ZNF618: variants seen among roughly 807,000 people sequenced by gnomAD.
The protein encoded by ZNF618 is neural precursor cell expressed, developmentally down-regulated 10.
A neutral mutation model predicts 103.0 loss-of-function variants in ZNF618; 34 were observed. The ratio of observed to expected loss-of-function variants is 0.33; its 90% CI spans 0.25 to 0.44. ZNF618 has a LOEUF of 0.44. Ranked by LOEUF, ZNF618 falls within the 20% of genes least tolerant of loss-of-function variation. The probability of loss-of-function intolerance (pLI) is 1.00; values close to 1 mark genes in which losing one functional copy is unlikely to be tolerated. For missense variants in ZNF618, 1,059 were observed against 1,295.4 expected, an observed-to-expected ratio of 0.82 and a Z score of 2.80; for synonymous variants, 551 against 542.2, an observed-to-expected ratio of 1.02 and a Z score of -0.23.
intron 1 of ZNF618, among the ~76,000 whole-genome samples, chr9:113,944,616 A>G (rs1190089381): frequency 1.3e-5 from 2 of 152,200 alleles, no homozygotes; most frequent in Admixed American, 6.5e-5. Flanking sequence ...AGAGTTATCT[A>G]ATAGAAATGT....
At chr9:114,027,388 A>G (rs1421790513) in intron 10 of ZNF618, among the ~76,000 whole-genome samples, 77 of 152,294 alleles carry the variant, frequency 5.1e-4, no homozygotes, top group Non-Finnish European at 1.6e-4. Flanking sequence ...GGGCATGACT[A>G]AAGAACTCCC....
At chr9:114,012,654 G>A (rs1029363035) in intron 9 of ZNF618, among the ~76,000 whole-genome samples, 1 of 152,152 alleles carries the variant, frequency 6.6e-6, no homozygotes, top group Non-Finnish European at 1.5e-5. Context: ...AGCAGAAAAC[G>A]TAAGAACAGA....
chr9:113,891,215 C>A (rs979944888), intron 1 of ZNF618, among the ~76,000 whole-genome samples: 1 of 152,140 alleles, frequency 6.6e-6, no homozygotes, highest in Admixed American at 6.5e-5. Context: ...AGGCAACCTA[C>A]AGAATGGCAG....
chr9:113,968,298 TA>T (rs758599777), intron 1 of ZNF618, among the ~76,000 whole-genome samples: 20 of 152,352 alleles, frequency 1.3e-4, no homozygotes, highest in Non-Finnish European at 2.5e-4. Context: ...ATTACCTTTC[TA>T]AAATTGGAAA....
intron 1 of ZNF618, among the ~76,000 whole-genome samples, chr9:113,938,231 A>G (rs1834207614): frequency 8.0e-6 from 1 of 125,404 alleles, no homozygotes; most frequent in African/African-American, 3.1e-5. Context: ...GTGCAGTGCC[A>G]TGATCATAGC....
At chr9:113,977,962 G>A (rs573674416) in intron 2 of ZNF618, among the ~76,000 whole-genome samples, 9 of 152,260 alleles carry the variant, frequency 5.9e-5, no homozygotes, top group East Asian at 3.9e-4. Flanking sequence ...GACTGACACC[G>A]TACAATGAGG....
intron 10 of ZNF618, among the ~76,000 whole-genome samples, chr9:114,023,713 G>A (rs1843260067): frequency 6.6e-6 from 1 of 151,862 alleles, no homozygotes; most frequent in Non-Finnish European, 1.5e-5. Flanking sequence ...TTTTTTGAAG[G>A]ATTTTTTTTC....
At chr9:114,003,149 T>C (rs1841409778) in intron 6 of ZNF618, among the ~76,000 whole-genome samples, 1 of 152,226 alleles carries the variant, frequency 6.6e-6, no homozygotes, top group African/African-American at 2.4e-5. Flanking sequence ...GGGGCACTAA[T>C]TGCTTATTGG....
chr9:113,919,649 G>A (rs907424152), intron 1 of ZNF618, among the ~76,000 whole-genome samples: 5 of 152,148 alleles, frequency 3.3e-5, no homozygotes, highest in African/African-American at 7.2e-5. Context: ...AGCCCTCTCC[G>A]TGAGGAGGTG....
At chr9:113,989,260 C>CGCGT (rs1839790593) in intron 3 of ZNF618, among the ~76,000 whole-genome samples, 1 of 152,210 alleles carries the variant, frequency 6.6e-6, no homozygotes, top group African/African-American at 2.4e-5. Flanking sequence ...GAAGGCACGC[C>CGCGT]GCGTGTGTGG....
chr9:113,887,451 A>AT (rs1253476475), intron 1 of ZNF618, among the ~76,000 whole-genome samples: 1 of 152,110 alleles, frequency 6.6e-6, no homozygotes, highest in Admixed American at 6.6e-5. Flanking sequence ...AAGATTCCAA[A>AT]TTCGTTTTTG....
chr9:114,047,760 G>A (rs1334587709), intron 13 of ZNF618, 133 bp from the exon 14 acceptor site: 6 of 667,630 alleles, frequency 9.0e-6, no homozygotes, highest in South Asian at 1.9e-5. Flanking sequence ...CTAAGGAGGA[G>A]CCAGGATTTT....
chr9:114,043,158 G>T (rs1232463425), intron 13 of ZNF618, among the ~76,000 whole-genome samples: 1 of 152,156 alleles, frequency 6.6e-6, no homozygotes, highest in African/African-American at 2.4e-5. Context: ...CCAGTTCGGG[G>T]CTATTATGAA....
chr9:113,997,084 T>C (rs1840688995), intron 3 of ZNF618, among the ~76,000 whole-genome samples: 1 of 152,000 alleles, frequency 6.6e-6, no homozygotes, highest in Non-Finnish European at 1.5e-5. Context: ...CTTCTTCCTC[T>C]TCTTTCTTCT....
intron 3 of ZNF618, among the ~76,000 whole-genome samples, chr9:113,995,711 T>G (rs1174495228): frequency 6.6e-6 from 1 of 152,192 alleles, no homozygotes; most frequent in African/African-American, 2.4e-5. Flanking sequence ...CCTCTAATTT[T>G]GTTGAGAGCA....
rs1220675527 is a variant in ZNF618 at position 114,008,477 on chromosome 9, A to T, written c.677A>T (p.Asp226Val). Residue 226 changes from aspartate (D) to valine (V), a missense_variant and splice_region_variant, in exon 9 of 15, where the codon GAC becomes GTC. This residue lies in a region of ZNF618 where 434 missense variants were observed against 476.0 expected (regional missense o/e 0.91). Transcript: ENST00000374126. ...CTAAGGGCCGTGTGTTCTCCCACAG[A>T]CCCCTTCGACCAAGGTGTCGTGGCC... ...SVEGAPENRA[D>V]PFDQGVVATD... 2.5e-6 allele frequency: 4 copies of T among 1,613,580 alleles called. No homozygotes were observed. The highest frequency in any genetic ancestry group is 3.4e-6 in the Non-Finnish European group (4 of 1,179,820).
At chr9:113,996,945 A>G (rs575286418) in intron 3 of ZNF618, among the ~76,000 whole-genome samples, 2 of 152,312 alleles carry the variant, frequency 1.3e-5, no homozygotes, top group East Asian at 1.9e-4. Context: ...CTTGCCAGCC[A>G]CTAGCCAAGC....
intron 2 of ZNF618, among the ~76,000 whole-genome samples, chr9:113,982,613 T>TA (rs1839074104): frequency 6.6e-6 from 1 of 152,154 alleles, no homozygotes; most frequent in Non-Finnish European, 1.5e-5. Context: ...GATGTGGACA[T>TA]ATCTTTTAGG....
intron 1 of ZNF618, among the ~76,000 whole-genome samples, chr9:113,964,177 T>C (rs1204876294): frequency 6.6e-6 from 1 of 152,130 alleles, no homozygotes; most frequent in Non-Finnish European, 1.5e-5. Flanking sequence ...CTCACAGAGC[T>C]AGGGGGACTG....
Sources: allele counts gnomAD v4.1 joint callset (sites outside exome capture counted in the v4.1 genomes callset), GRCh38; gene constraint gnomAD v4.1.1; regional missense constraint gnomAD v4.1.1; transcripts MANE v1.5; gene names NCBI Gene and HGNC (gene_info 2026-07-23, HGNC 2026-07-21).